Variants in NAALADL2 observed in about 807,000 individuals in gnomAD.
NAALADL2 encodes the protein inactive N-acetylated-alpha-linked acidic dipeptidase-like protein 2.
In NAALADL2, 76 loss-of-function variants were observed where a neutral mutation model predicts 87.2. The ratio of observed to expected loss-of-function variants is 0.87; its 90% CI spans 0.72 to 1.05. NAALADL2 has a LOEUF of 1.05. Among genes scored for constraint, NAALADL2 ranks in the 50% least tolerant of loss-of-function variants. The probability of loss-of-function intolerance (pLI) is 0.00; values close to 1 mark genes in which losing one functional copy is unlikely to be tolerated. For missense variants in NAALADL2, 1,089 were observed against 945.8 expected (o/e 1.15, Z -1.99); for synonymous variants, 354 against 331.0 (o/e 1.07, Z -0.75).
At chr3:174,530,032 A>G (rs563665684) in intron 1 of NAALADL2, among the ~76,000 whole-genome samples, 81 of 152,280 alleles carry the variant, frequency 5.3e-4, no homozygotes, top group Non-Finnish European at 9.1e-4. Flanking sequence ...CTTCTCAGAA[A>G]GTGGGATTTT....
chr3:174,539,083 A>G (rs555082270), intron 1 of NAALADL2, among the ~76,000 whole-genome samples: 90 of 152,294 alleles, frequency 5.9e-4, no homozygotes, highest in African/African-American at 2.1e-3. Context: ...ATAAAATGCA[A>G]TTTTTCAAAT....
intron 1 of NAALADL2, among the ~76,000 whole-genome samples, chr3:174,456,416 A>C (rs1459067045): frequency 6.7e-6 from 1 of 148,900 alleles, no homozygotes; most frequent in Non-Finnish European, 1.5e-5. Flanking sequence ...CTAAGCAAAA[A>C]AAAAAAAAAA....
At chr3:175,116,320 A>G (rs534238311) in intron 2 of NAALADL2, among the ~76,000 whole-genome samples, 2 of 152,212 alleles carry the variant, frequency 1.3e-5, no homozygotes, top group Admixed American at 1.3e-4. Flanking sequence ...ACATGATTAT[A>G]TATTTAGAAA....
intron 1 of NAALADL2, among the ~76,000 whole-genome samples, chr3:174,542,116 G>A (rs567356814): frequency 2.0e-5 from 3 of 152,288 alleles, no homozygotes; most frequent in South Asian, 4.1e-4. Flanking sequence ...CGTGGCATTT[G>A]TAAACTCTCA....
intron 2 of NAALADL2, among the ~76,000 whole-genome samples, chr3:175,098,248 G>T (rs945003239): frequency 6.6e-6 from 1 of 151,996 alleles, no homozygotes; most frequent in African/African-American, 2.4e-5. Context: ...ACTTCCCAAT[G>T]TAAAATTGTT....
chr3:175,009,081 T>A (rs1314408482), intron 1 of NAALADL2, among the ~76,000 whole-genome samples: 1 of 152,160 alleles, frequency 6.6e-6, no homozygotes, highest in African/African-American at 2.4e-5. Flanking sequence ...TTTTAAACTT[T>A]GGCTGTTTCA....
At chr3:174,963,262 CTG>C (rs770459078) in intron 1 of NAALADL2, among the ~76,000 whole-genome samples, 6 of 151,872 alleles carry the variant, frequency 4.0e-5, no homozygotes, top group Non-Finnish European at 7.4e-5. Context: ...CAATGGATGA[CTG>C]TGAAGAATAA....
intron 1 of NAALADL2, among the ~76,000 whole-genome samples, chr3:174,522,791 G>A (rs572140560): frequency 1.3e-5 from 2 of 151,904 alleles, no homozygotes; most frequent in South Asian, 2.1e-4. Context: ...AAAATTAGCC[G>A]GGTGCGGTGG....
At chr3:175,474,999 A>T (rs1725469645) in intron 9 of NAALADL2, among the ~76,000 whole-genome samples, 1 of 149,592 alleles carries the variant, frequency 6.7e-6, no homozygotes, top group Admixed American at 6.8e-5. Context: ...GTAATTATAC[A>T]TTCTTTCATG....
chr3:175,511,186 G>A (rs1016803071), intron 9 of NAALADL2, among the ~76,000 whole-genome samples: 24 of 152,128 alleles, frequency 1.6e-4, no homozygotes, highest in African/African-American at 5.6e-4. Context: ...CCTGACCCAA[G>A]CTAATCATAA....
At chr3:175,626,441 C>T (rs1269304121) in intron 10 of NAALADL2, among the ~76,000 whole-genome samples, 1 of 151,752 alleles carries the variant, frequency 6.6e-6, no homozygotes. Context: ...ATCTTAATTT[C>T]TAGAAAGAAT....
chr3:175,502,959 G>A (rs537786136), intron 9 of NAALADL2, among the ~76,000 whole-genome samples: 1 of 151,122 alleles, frequency 6.6e-6, no homozygotes, highest in African/African-American at 2.4e-5. Context: ...TAGGTTCAGG[G>A]GTACATATAT....
chr3:174,776,479 C>T (rs749709260), intron 3 of NAALADL2, among the ~76,000 whole-genome samples: 3 of 152,076 alleles, frequency 2.0e-5, no homozygotes, highest in Admixed American at 6.6e-5. Flanking sequence ...TAACATTGAG[C>T]CATATACTCT....
rs143229460 is a variant in NAALADL2 at position 175,330,903 on chromosome 3, A to G, written c.1090+6578A>G. ...AAAAGATAAAATAGATAAACCACTGATTAGATTAACAAATAAAAAGGAGTT... is the reference window on the plus strand; with the variant it reads ...AAAAGATAAAATAGATAAACCACTGGTTAGATTAACAAATAAAAAGGAGTT... On this transcript the variant is annotated intron_variant, in intron 5 of 13. Coordinates refer to ENST00000454872, the MANE Select transcript of NAALADL2 (RefSeq NM_207015.3). Among the ~76,000 whole-genome samples the G allele has an allele frequency of 5.8e-3, 881 of 152,198 alleles. 6 individuals carry two copies. The highest frequency in any genetic ancestry group is 0.021 in the African/African-American group (853 of 41,542).
chr3:174,894,454 C>A (rs887681143), intron 1 of NAALADL2, among the ~76,000 whole-genome samples: 1 of 151,490 alleles, frequency 6.6e-6, no homozygotes, highest in South Asian at 2.1e-4. Context: ...ATTAACTGGG[C>A]GTGGTGGTGC....
chr3:175,588,374 G>A (rs1186483043), intron 10 of NAALADL2, among the ~76,000 whole-genome samples: 1 of 151,944 alleles, frequency 6.6e-6, no homozygotes, highest in Non-Finnish European at 1.5e-5. Context: ...CCATTCCCAG[G>A]ATATGGTTGA....
At chr3:175,259,942 C>A (rs1302528488) in intron 4 of NAALADL2, among the ~76,000 whole-genome samples, 1 of 151,900 alleles carries the variant, frequency 6.6e-6, no homozygotes, top group Non-Finnish European at 1.5e-5. Flanking sequence ...GCACGAGCAT[C>A]GCTTGAACCC....
chr3:174,960,355 G>A (rs1281809477), intron 1 of NAALADL2, among the ~76,000 whole-genome samples: 4 of 151,998 alleles, frequency 2.6e-5, no homozygotes, highest in Admixed American at 1.3e-4. Context: ...ACACTTTCTA[G>A]AATATAGTTT....
At chr3:175,478,254 G>A (rs1301329056) in intron 9 of NAALADL2, among the ~76,000 whole-genome samples, 2 of 151,732 alleles carry the variant, frequency 1.3e-5, no homozygotes, top group Non-Finnish European at 2.9e-5. Context: ...TCTAGTCAAC[G>A]GAAGCGACCA....
Sources: allele counts gnomAD v4.1 joint callset (sites outside exome capture counted in the v4.1 genomes callset), GRCh38; gene constraint gnomAD v4.1.1; transcripts MANE v1.5; gene names NCBI Gene and HGNC (gene_info 2026-07-23, HGNC 2026-07-21).